PIEZO2: variants seen among roughly 807,000 people sequenced by gnomAD.
PIEZO2 encodes the protein piezo type mechanosensitive ion channel component 2, also known as piezo-type mechanosensitive ion channel component 2.
PIEZO2 carries 172 observed loss-of-function variants against 337.3 expected under a neutral mutation model. The observed-to-expected ratio is 0.51, with a 90% CI of 0.45 to 0.58. PIEZO2 has a LOEUF of 0.58. PIEZO2 is among the 20% of genes least tolerant of loss of function. PIEZO2 has a pLI of 0.00. For missense variants in PIEZO2, 3,028 were observed against 3,391.3 expected, an observed-to-expected ratio of 0.89 and a Z score of 2.66; for synonymous variants, 1,251 against 1,228.5, an observed-to-expected ratio of 1.02 and a Z score of -0.38.
At chr18:10,770,884 C>G (rs892195670) in intron 20 of PIEZO2, among the ~76,000 whole-genome samples, 2 of 151,976 alleles carry the variant, frequency 1.3e-5, no homozygotes, top group Non-Finnish European at 1.5e-5. Context: ...GCACATACCA[C>G]CATGCCCAGC....
intron 2 of PIEZO2, among the ~76,000 whole-genome samples, chr18:11,042,542 T>C (rs1284252909): frequency 1.3e-5 from 2 of 152,204 alleles, no homozygotes; most frequent in African/African-American, 2.4e-5. Context: ...CCTGAGATAA[T>C]GCTGTCTGAG....
At position 11,148,786 on chromosome 18, in the gene PIEZO2, G is replaced by A; in HGVS notation, c.-198C>T. Reference sequence around the variant, plus strand: ...GCTCTTGGCCGCCCCTCGCCCACCGGGCTCTGGGTAGCCCCTCACCAGGCT... The same window carrying A: ...GCTCTTGGCCGCCCCTCGCCCACCGAGCTCTGGGTAGCCCCTCACCAGGCT... On this transcript the variant is annotated 5_prime_UTR_variant, in exon 1 of 56. Coordinates refer to ENST00000674853, the MANE Select transcript of PIEZO2 (RefSeq NM_001378183.1). This position sits in a 1 kb window ranked among gnomAD's most constrained non-coding sequence, Gnocchi z 5.2. 1.9e-6 allele frequency: 1 copy of A among 539,774 alleles called. No homozygotes were observed. Among genetic ancestry groups the A allele is most frequent in the Non-Finnish European group, 3.2e-6 (1 of 314,406 alleles). 33.4% of individuals were successfully genotyped at this position (539,774 alleles called of 1,614,324 possible). A position where few individuals can be genotyped will look rare whatever the true frequency, so the allele number is the denominator to read the frequency against.
At position 10,696,236 on chromosome 18, in the gene PIEZO2, G is replaced by A; in HGVS notation, c.7028C>T (p.Pro2343Leu). 4 of 1,614,192 alleles carry A rather than the reference G, an allele frequency of 2.5e-6. No individual in the cohort carries two copies. Among genetic ancestry groups the A allele is most frequent in the Non-Finnish European group, 3.4e-6 (4 of 1,180,028 alleles). The change falls in exon 47 of 56, where the codon CCG becomes CTG. Residue 2343 changes from proline (P) to leucine (L), a missense_variant. Physicochemically the swap from Pro to Leu is moderately conservative, Grantham distance 98 (BLOSUM62 -3). This residue lies in a region of PIEZO2 where 179 missense variants were observed against 281.8 expected (regional missense o/e 0.64). Transcript: ENST00000674853. ...ITSSLSEDQV[P>L]GPFLVMVLIQ... The stretch of plus-strand genomic sequence containing the variant: ...GAGGACCATCACCAAAAACGGCCCC[G>A]GGACCTGGTCCTCTGACAGTGAAGA...
intron 3 of PIEZO2, among the ~76,000 whole-genome samples, chr18:10,976,388 C>T (rs112809428): frequency 3.3e-5 from 5 of 152,218 alleles, no homozygotes; most frequent in African/African-American, 1.2e-4. Context: ...TATAAACCCA[C>T]CTTCAAGTTT....
intron 18 of PIEZO2, among the ~76,000 whole-genome samples, chr18:10,778,643 T>C (rs935993876): frequency 1.3e-5 from 2 of 152,220 alleles, no homozygotes; most frequent in Non-Finnish European, 2.9e-5. Context: ...CTGGCTGCTC[T>C]TAACATGTTT....
intron 40 of PIEZO2, among the ~76,000 whole-genome samples, chr18:10,706,220 A>G (rs1439454186): frequency 1.3e-5 from 2 of 152,192 alleles, no homozygotes; most frequent in East Asian, 3.9e-4. Flanking sequence ...CACCCAGACC[A>G]TAAGGGGGGA....
intron 4 of PIEZO2, among the ~76,000 whole-genome samples, chr18:10,902,207 C>T (rs1443100682): frequency 6.6e-6 from 1 of 152,166 alleles, no homozygotes; most frequent in African/African-American, 2.4e-5. Flanking sequence ...CTACCCCTAC[C>T]CCCATCCGTG....
At chr18:10,685,657 C>T (rs1355427963) in intron 49 of PIEZO2, among the ~76,000 whole-genome samples, 1 of 152,218 alleles carries the variant, frequency 6.6e-6, no homozygotes, top group Non-Finnish European at 1.5e-5. Context: ...CACGGTCTTG[C>T]ATCCGTGCAG....
At position 10,817,920 on chromosome 18, in the gene PIEZO2, C is replaced by CAA. The variant is rs34222546; in HGVS notation, c.918-10648_918-10647dup. ...CCTGGGCGACAGAGCAAGACTCTGT[C>CAA]AAAAAAAAAAAAAAAAAAGTAGGAC... On this transcript the variant is annotated intron_variant, in intron 7 of 55. Coordinates refer to ENST00000674853, the MANE Select transcript of PIEZO2 (RefSeq NM_001378183.1). Among the ~76,000 whole-genome samples the CAA allele has an allele frequency of 5.4e-3, 344 of 64,208 alleles. 2 individuals carry two copies. Among genetic ancestry groups the CAA allele is most frequent in the African/African-American group, 0.016 (326 of 20,312 alleles). The allele number at this position is 64,208 out of a possible 152,430, so 42.1% of individuals were successfully genotyped here.
rs2040231924 is a variant in PIEZO2, at chr18:11,127,873, G to GT, written c.64+20651dup. 6.7e-6 allele frequency among the ~76,000 whole-genome samples: 1 copy of GT among 149,364 alleles called. No homozygotes were observed. Among genetic ancestry groups the GT allele is most frequent in the Non-Finnish European group, 1.5e-5 (1 of 67,618 alleles). ...TAAGAGAACCCTAATACAGATTTTG[G>GT]TATCAGGAGTGGTTCTAGAGGAACA... On this transcript the variant is annotated intron_variant, in intron 1 of 55. Coordinates refer to ENST00000674853, the MANE Select transcript of PIEZO2 (RefSeq NM_001378183.1). The surrounding 1 kb of genome is among the most constrained non-coding windows in gnomAD (Gnocchi z 4.5).
chr18:11,137,869 G>A (rs1477378785), intron 1 of PIEZO2, among the ~76,000 whole-genome samples: 3 of 152,184 alleles, frequency 2.0e-5, no homozygotes, highest in Admixed American at 6.5e-5. Context: ...GTGGTTCCAG[G>A]AGAGCTAAAA....
At chr18:10,718,456 C>A (rs1330407910) in intron 36 of PIEZO2, among the ~76,000 whole-genome samples, 197 bp from the exon 37 acceptor site, 1 of 152,196 alleles carries the variant, frequency 6.6e-6, no homozygotes, top group East Asian at 1.9e-4. Context: ...TTATGTAAAT[C>A]AAGGATGTGT....
chr18:10,768,471 G>A (rs978773935), intron 21 of PIEZO2, among the ~76,000 whole-genome samples: 1 of 152,172 alleles, frequency 6.6e-6, no homozygotes, highest in Admixed American at 6.5e-5. Flanking sequence ...CTTCAGGGCC[G>A]GAAACCCCCC....
chr18:10,788,471 G>T, intron 15 of PIEZO2, among the ~76,000 whole-genome samples: 1 of 135,334 alleles, frequency 7.4e-6, no homozygotes. Flanking sequence ...AGGAAGGAAG[G>T]AAGGAAGAAA....
intron 2 of PIEZO2, 93 bp downstream of exon 2, chr18:11,066,034 T>C: frequency 1.0e-6 from 1 of 982,122 alleles, no homozygotes; most frequent in Non-Finnish European, 1.5e-6. Context: ...ATAGATAACA[T>C]CTCTGCCATT....
Position 10,689,698 on chromosome 18 carries a change from T to C in PIEZO2, c.7454A>G (p.Tyr2485Cys), listed in dbSNP as rs767305160. 8.7e-6 allele frequency: 14 copies of C among 1,614,252 alleles called. No individual in the cohort carries two copies. Among genetic ancestry groups the C allele is most frequent in the Non-Finnish European group, 1.1e-5 (13 of 1,180,042 alleles). Reference sequence around the variant, plus strand: ...ACACTTCAGGATGAATATGTGAGCATAGATGTCCTCCACACAGATCCAGCT... The same window carrying C: ...ACACTTCAGGATGAATATGTGAGCACAGATGTCCTCCACACAGATCCAGCT... Reference protein sequence around the residue: ...LSSWICVEDIYAHIFILKCWR... With the variant: ...LSSWICVEDICAHIFILKCWR... The change falls in exon 49 of 56, where the codon TAT (tyrosine) becomes TGT (cysteine). Residue 2485 changes from tyrosine (Y) to cysteine (C), a missense_variant. Physicochemically the swap from Tyr to Cys is radical, Grantham distance 194 (BLOSUM62 -2). Around this residue, in one of 5 missense-constraint regions of PIEZO2, gnomAD observed 179 missense variants for 281.8 expected, o/e 0.64. Transcript: ENST00000674853.
chr18:10,926,925 A>C (rs891533890), intron 3 of PIEZO2, among the ~76,000 whole-genome samples: 2 of 152,258 alleles, frequency 1.3e-5, no homozygotes, highest in Non-Finnish European at 2.9e-5. Context: ...CCAAGTAACT[A>C]TGCAGTCTAA....
chr18:10,780,731 T>C (rs2144070737), intron 17 of PIEZO2, among the ~76,000 whole-genome samples: 1 of 151,176 alleles, frequency 6.6e-6, no homozygotes, highest in East Asian at 2.0e-4. Context: ...TGACGTATCT[T>C]AGCTCATGGC....
At chr18:10,719,345 CCT>C (rs1370016148) in intron 36 of PIEZO2, among the ~76,000 whole-genome samples, 4 of 152,258 alleles carry the variant, frequency 2.6e-5, no homozygotes, top group South Asian at 4.1e-4. Flanking sequence ...CCTCAATCCC[CCT>C]GTCCCCAACT....
Sources: allele counts gnomAD v4.1 joint callset (sites outside exome capture counted in the v4.1 genomes callset), GRCh38; gene constraint gnomAD v4.1.1; regional missense constraint gnomAD v4.1.1; non-coding constraint Gnocchi (gnomAD v3.1); transcripts MANE v1.5; gene names NCBI Gene and HGNC (gene_info 2026-07-23, HGNC 2026-07-21).